Variants in C1orf185 observed in about 807,000 individuals in gnomAD.
C1orf185 encodes uncharacterized protein C1orf185.
Under a neutral mutation model 16.1 loss-of-function variants are expected in C1orf185, and 13 were observed. That is an observed-to-expected ratio of 0.81 (90% CI 0.53 to 1.28). The LOEUF (loss-of-function observed/expected upper bound fraction) is 1.28, where lower values mean the gene tolerates loss of function less well. Ranked by LOEUF, C1orf185 falls within the 50% of genes most tolerant of loss-of-function variation. The pLI is 0.00. For synonymous variants in C1orf185, 80 were observed against 76.9 expected (o/e 1.04, Z -0.21); for missense variants, 220 against 225.2 (o/e 0.98, Z 0.15).
At position 51,145,759 on chromosome 1, in the gene C1orf185, A is replaced by C; in HGVS notation, c.294A>C (p.Lys98Asn). ...GAAAAAAGGAAGCAGCACATATAAA[A>C]GGTATTTTTTCTCAATAATTTATTA... ...EQRKKEAAHI[K>N]AIKDHSKDEP... The change falls in exon 4 of 5, where the codon AAA (lysine) becomes AAC (asparagine). Residue 98 changes from lysine (K) to asparagine (N), a missense_variant and splice_region_variant. By Grantham distance (94) the Lys-to-Asn change is moderately conservative. Coordinates refer to ENST00000371759, the MANE Select transcript of C1orf185 (RefSeq NM_001136508.2). 1 of 1,306,380 alleles carries C rather than the reference A, an allele frequency of 7.7e-7. No homozygotes were observed. Among genetic ancestry groups the C allele is most frequent in the Non-Finnish European group, 1.0e-6 (1 of 962,928 alleles). 80.9% of individuals were successfully genotyped at this position (1,306,380 alleles called of 1,614,324 possible). A position where few individuals can be genotyped will look rare whatever the true frequency, so the allele number is the denominator to read the frequency against.
At chr1:51,144,659 G>C (rs1469312886) in intron 3 of C1orf185, among the ~76,000 whole-genome samples, 1 of 152,152 alleles carries the variant, frequency 6.6e-6, no homozygotes, top group African/African-American at 2.4e-5. Context: ...GCTGCAGTGA[G>C]CTGTGATCAT....
chr1:51,121,363 TG>T (rs1392625865), intron 3 of C1orf185, among the ~76,000 whole-genome samples: 1 of 152,158 alleles, frequency 6.6e-6, no homozygotes, highest in African/African-American at 2.4e-5. Context: ...AGTGAAATCA[TG>T]GGTATTTGTC....
intron 2 of C1orf185, among the ~76,000 whole-genome samples, chr1:51,112,983 C>G (rs974046300): frequency 1.3e-5 from 2 of 151,820 alleles, no homozygotes; most frequent in Non-Finnish European, 2.9e-5. Flanking sequence ...CGACACCCGC[C>G]TGTTTTTGTA....
chr1:51,115,488 T>G (rs1392386156), intron 2 of C1orf185, among the ~76,000 whole-genome samples: 1 of 152,192 alleles, frequency 6.6e-6, no homozygotes, highest in South Asian at 2.1e-4. Context: ...TTTTAGCTCT[T>G]AGGAAAATGG....
chr1:51,123,590 A>C (rs1203218788), intron 3 of C1orf185, among the ~76,000 whole-genome samples: 1 of 152,150 alleles, frequency 6.6e-6, no homozygotes, highest in Non-Finnish European at 1.5e-5. Flanking sequence ...AGAAAGTGCC[A>C]ATTTTTCTTC....
chr1:51,126,300 G>A (rs117158720), intron 3 of C1orf185, among the ~76,000 whole-genome samples: 52 of 152,072 alleles, frequency 3.4e-4, no homozygotes, highest in Non-Finnish European at 6.0e-4. Context: ...GTCTTGCTCC[G>A]TTGCCCAGGC....
intron 1 of C1orf185, among the ~76,000 whole-genome samples, chr1:51,112,086 A>G (rs1478975910): frequency 6.6e-6 from 1 of 152,178 alleles, no homozygotes; most frequent in Non-Finnish European, 1.5e-5. Flanking sequence ...TAAAATGAAA[A>G]TCTTAAAAAG....
chr1:51,108,411 G>A (rs76903910), intron 1 of C1orf185, among the ~76,000 whole-genome samples: 5 of 152,038 alleles, frequency 3.3e-5, no homozygotes, highest in African/African-American at 9.6e-5. Context: ...CTCACCTCAC[G>A]CATTTGTCTT....
At chr1:51,149,684 A>C (rs749439479), downstream of C1orf185, among the ~76,000 whole-genome samples, 1 of 152,192 alleles carries the variant, frequency 6.6e-6, no homozygotes, top group Non-Finnish European at 1.5e-5. Flanking sequence ...AAACTGGGGA[A>C]CTATGGGTTG....
intron 3 of C1orf185, among the ~76,000 whole-genome samples, chr1:51,141,552 G>A (rs1046123068): frequency 6.6e-6 from 1 of 152,172 alleles, no homozygotes; most frequent in Non-Finnish European, 1.5e-5. Context: ...AACTTTAGAG[G>A]TTTAGCACTA....
At chr1:51,108,861 A>G (rs1331765784) in intron 1 of C1orf185, among the ~76,000 whole-genome samples, 1 of 152,208 alleles carries the variant, frequency 6.6e-6, no homozygotes, top group Non-Finnish European at 1.5e-5. Context: ...TATCGTGAAT[A>G]ATGCTGCAAC....
chr1:51,105,364 T>A (rs1012185338), intron 1 of C1orf185, among the ~76,000 whole-genome samples: 2 of 152,160 alleles, frequency 1.3e-5, no homozygotes, highest in African/African-American at 4.8e-5. Context: ...AAAAAAACTT[T>A]CTCCTATCTT....
intron 2 of C1orf185, 42 bp from the exon 3 acceptor site, chr1:51,118,624 C>G (rs1412528713): frequency 8.8e-7 from 1 of 1,139,322 alleles, no homozygotes; most frequent in Non-Finnish European, 1.2e-6. Context: ...GTTTTATAAT[C>G]TAACTCAGGT....
At chr1:51,116,025 C>T (rs1367718084) in intron 2 of C1orf185, among the ~76,000 whole-genome samples, 13 of 152,094 alleles carry the variant, frequency 8.5e-5, no homozygotes, top group Admixed American at 8.5e-4. Context: ...AAGGGAGGAG[C>T]AATTTAGGGG....
intron 3 of C1orf185, among the ~76,000 whole-genome samples, chr1:51,120,203 C>T (rs757924028): frequency 2.6e-5 from 4 of 152,116 alleles, no homozygotes; most frequent in African/African-American, 7.2e-5. Flanking sequence ...GATGAGATTG[C>T]GATGAGCCTC....
intron 3 of C1orf185, among the ~76,000 whole-genome samples, chr1:51,145,104 T>C (rs1036171058): frequency 2.0e-5 from 3 of 152,088 alleles, no homozygotes; most frequent in Non-Finnish European, 2.9e-5. Flanking sequence ...TCCCAGAACA[T>C]ATCTGGAATG....
intron 3 of C1orf185, among the ~76,000 whole-genome samples, chr1:51,141,352 G>A (rs1255363625): frequency 6.6e-6 from 1 of 152,200 alleles, no homozygotes; most frequent in Non-Finnish European, 1.5e-5. Flanking sequence ...TTAGCTGAGT[G>A]TGGAGGCACA....
In C1orf185 at chr1:51,145,732, A is replaced by G; in HGVS notation, c.267A>G (p.Gln89=). ...HTGRFQLQEE[Q]RKKEAAHIKA... is the part of the protein sequence containing the mutation. The stretch of plus-strand genomic sequence containing the variant: ...AACTTTTTTTAATGTAGGAGGAGCA[A>G]AGAAAAAAGGAAGCAGCACATATAA... Residue 89 remains glutamine, a synonymous_variant, in exon 4 of 5, where the codon CAA becomes CAG. Transcript: ENST00000371759. The G allele has an allele frequency of 7.6e-7, 1 of 1,314,118 alleles. No homozygotes were observed. The highest frequency in any genetic ancestry group is 1.0e-6 in the Non-Finnish European group (1 of 969,254). 81.4% of individuals were successfully genotyped at this position (1,314,118 alleles called of 1,614,324 possible).
At chr1:51,130,509 C>T (rs752574874) in intron 3 of C1orf185, among the ~76,000 whole-genome samples, 2 of 152,040 alleles carry the variant, frequency 1.3e-5, no homozygotes, top group Non-Finnish European at 2.9e-5. Flanking sequence ...AGCATCCTTG[C>T]CGGCATTTGA....
Sources: allele counts gnomAD v4.1 joint callset (sites outside exome capture counted in the v4.1 genomes callset), GRCh38; gene constraint gnomAD v4.1.1; transcripts MANE v1.5; gene names NCBI Gene and HGNC (gene_info 2026-07-23, HGNC 2026-07-21).